Variants in CDYL2 observed in about 807,000 individuals in gnomAD.
The protein encoded by CDYL2 is chromodomain Y-like protein 2.
CDYL2 carries 23 observed loss-of-function variants against 49.4 expected under a neutral mutation model. That is an observed-to-expected ratio of 0.47 (90% CI 0.34 to 0.66). The LOEUF (loss-of-function observed/expected upper bound fraction) is 0.66, where lower values mean the gene tolerates loss of function less well. Among genes scored for constraint, CDYL2 ranks in the 30% least tolerant of loss-of-function variants. CDYL2 has a pLI of 0.01. For synonymous variants in CDYL2, 360 were observed against 268.8 expected (o/e 1.34, Z -3.32); for missense variants, 678 against 656.4 (o/e 1.03, Z -0.36).
chr16:80,659,051 TGATGGATG>T (rs57221086), intron 2 of CDYL2, among the ~76,000 whole-genome samples: 67,734 of 149,788 alleles, frequency 0.45, 16,875 homozygotes, highest in African/African-American at 0.67. Flanking sequence ...ACGATAGAGG[TGATGGATG>T]GATGGATGGA....
At chr16:80,679,804 G>C in intron 2 of CDYL2, 1 of 455,810 alleles carries the variant, frequency 2.2e-6, no homozygotes, top group Non-Finnish European at 4.4e-6. Context: ...TAGAGCAGTA[G>C]TTCTGAAACT....
intron 1 of CDYL2, among the ~76,000 whole-genome samples, chr16:80,709,587 C>CACACACAA (rs1291759431): frequency 6.6e-6 from 1 of 151,700 alleles, no homozygotes; most frequent in Non-Finnish European, 1.5e-5. Flanking sequence ...CACACACACA[C>CACACACAA]ACACACACTT....
chr16:80,629,282 G>A (rs1362780289), intron 3 of CDYL2, among the ~76,000 whole-genome samples: 3 of 152,236 alleles, frequency 2.0e-5, no homozygotes, highest in African/African-American at 7.2e-5. Flanking sequence ...GCAGACTTAT[G>A]AGACGGCTAA....
intron 2 of CDYL2, among the ~76,000 whole-genome samples, chr16:80,661,569 C>CG (rs1213415524): frequency 3.3e-5 from 5 of 152,144 alleles, no homozygotes; most frequent in African/African-American, 1.2e-4. Flanking sequence ...GCATGAGGGT[C>CG]AAACTCCAGC....
intron 1 of CDYL2, among the ~76,000 whole-genome samples, chr16:80,761,610 G>A (rs986441734): frequency 3.3e-5 from 5 of 152,062 alleles, no homozygotes; most frequent in Non-Finnish European, 7.4e-5. Context: ...TGCAATTGTT[G>A]AATCAATAGA....
intron 1 of CDYL2, among the ~76,000 whole-genome samples, chr16:80,731,821 G>A (rs114225382): frequency 3.3e-5 from 5 of 151,614 alleles, no homozygotes; most frequent in Admixed American, 2.0e-4. Context: ...ACTCTCTGAA[G>A]AATCTACTTG....
chr16:80,627,889 T>C (rs564639692), intron 3 of CDYL2: 2 of 152,384 alleles, frequency 1.3e-5, no homozygotes, highest in African/African-American at 2.4e-5. Context: ...CTATTAGTTG[T>C]CTGCTGGAGA....
At chr16:80,704,856 G>A (rs1904349352) in intron 1 of CDYL2, among the ~76,000 whole-genome samples, 2 of 152,214 alleles carry the variant, frequency 1.3e-5, no homozygotes, top group Non-Finnish European at 2.9e-5. Flanking sequence ...ACTCTGCTGG[G>A]TCTCTATGGC....
At chr16:80,619,159 C>A (rs1906964326) in intron 4 of CDYL2, among the ~76,000 whole-genome samples, 2 of 152,182 alleles carry the variant, frequency 1.3e-5, no homozygotes, top group South Asian at 4.1e-4. Flanking sequence ...CTTCTCCTGT[C>A]TCTGTGTCCC....
At position 80,607,194 on chromosome 16, in the gene CDYL2, C is replaced by T. The variant is rs192782755; in HGVS notation, c.1362+898G>A. The stretch of plus-strand genomic sequence containing the variant: ...GACCGCCACCCCCCACCGTCACCCT[C>T]ACCCCGCGAGCACTGTCTGTTCAGC... On this transcript the variant is annotated intron_variant, in intron 6 of 6. Coordinates refer to ENST00000570137, the MANE Select transcript of CDYL2 (RefSeq NM_152342.4). Among the ~76,000 whole-genome samples, 436 of 152,316 alleles carry T rather than the reference C, an allele frequency of 2.9e-3. 1 individual carries two copies. The highest frequency in any genetic ancestry group is 7.5e-3 in the South Asian group (36 of 4,824).
At chr16:80,760,850 T>C (rs1035344657) in intron 1 of CDYL2, among the ~76,000 whole-genome samples, 3 of 151,870 alleles carry the variant, frequency 2.0e-5, no homozygotes, top group Non-Finnish European at 2.9e-5. Flanking sequence ...CTTGAAATCA[T>C]AGAAACTGAA....
chr16:80,744,042 C>T (rs914468758), intron 1 of CDYL2, among the ~76,000 whole-genome samples: 2 of 82,304 alleles, frequency 2.4e-5, no homozygotes, highest in Non-Finnish European at 6.2e-5. Context: ...ATTTATTCAC[C>T]CATTTAATAT....
intron 3 of CDYL2, among the ~76,000 whole-genome samples, chr16:80,628,744 C>G (rs572696275): frequency 3.9e-5 from 6 of 152,332 alleles, no homozygotes; most frequent in Middle Eastern, 3.4e-3. Context: ...CCTTGCAGCA[C>G]CTAGTCCAGA....
intron 1 of CDYL2, among the ~76,000 whole-genome samples, chr16:80,697,848 G>A (rs1445696072): frequency 6.6e-6 from 1 of 151,736 alleles, no homozygotes; most frequent in East Asian, 1.9e-4. Flanking sequence ...CCAAGGAGAT[G>A]AAAGATCTCT....
At chr16:80,790,680 A>T (rs1246276995) in intron 1 of CDYL2, among the ~76,000 whole-genome samples, 1 of 152,186 alleles carries the variant, frequency 6.6e-6, no homozygotes, top group African/African-American at 2.4e-5. Context: ...CTGACTTCCA[A>T]CAGTTCACAG....
chr16:80,804,208 G>C lies in CDYL2; in HGVS notation c.-35C>G, dbSNP rs1004183370. On this transcript the variant is annotated 5_prime_UTR_variant, in exon 1 of 7. Transcript: ENST00000570137. ...CGGAACTTGGCTCGCCGGTGTGCGC[G>C]TCTGCTCGCTCGCGCCCTCCGTGCG... 7.8e-5 allele frequency: 104 copies of C among 1,339,246 alleles called. No individual in the cohort carries two copies. Among genetic ancestry groups the C allele is most frequent in the Non-Finnish European group, 9.9e-5 (101 of 1,017,682 alleles). 83.0% of individuals were successfully genotyped at this position (1,339,246 alleles called of 1,614,324 possible).
At chr16:80,765,589 T>A (rs1248502369) in intron 1 of CDYL2, among the ~76,000 whole-genome samples, 2 of 151,940 alleles carry the variant, frequency 1.3e-5, no homozygotes, top group African/African-American at 2.4e-5. Context: ...TGAAAGCCGA[T>A]CTGCACGCAA....
In CDYL2 at chr16:80,655,277, C is replaced by G. The variant is rs1037559435; in HGVS notation, c.617-22041G>C. On this transcript the variant is annotated intron_variant, in intron 2 of 6. Transcript: ENST00000570137. ...ATGGAAGAGCCAGGATTGGAGCCAG[C>G]CATCTCCTCATTTTATTCATTCATT... Among the ~76,000 whole-genome samples the G allele has an allele frequency of 2.6e-5, 4 of 152,200 alleles. No individual in the cohort carries two copies. The East Asian group carries it at 7.7e-4, about 29-fold the overall frequency.
intron 1 of CDYL2, among the ~76,000 whole-genome samples, chr16:80,744,134 C>T (rs1049681079): frequency 1.3e-5 from 2 of 152,146 alleles, no homozygotes; most frequent in Non-Finnish European, 2.9e-5. Flanking sequence ...TAGAGCAACT[C>T]ATCAAAGCTA....
Sources: gnomAD v4.1 joint callset for allele counts (sites outside exome capture counted in the v4.1 genomes callset) on GRCh38, gnomAD v4.1.1 for gene constraint, MANE v1.5 for transcripts, NCBI Gene and HGNC (gene_info 2026-07-23, HGNC 2026-07-21) for gene names.